The following ZW10 variants were observed in gnomAD, a reference collection of about 807,000 sequenced individuals.
ZW10 encodes zw10 kinetochore protein, also known as centromere/kinetochore protein zw10 homolog.
ZW10 carries 53 observed loss-of-function variants against 87.8 expected under a neutral mutation model. The ratio of observed to expected loss-of-function variants is 0.60; its 90% CI spans 0.48 to 0.76. The LOEUF is 0.76. Among genes scored for constraint, ZW10 ranks in the 30% least tolerant of loss-of-function variants. ZW10 has a pLI of 0.00. For synonymous variants in ZW10, 312 were observed against 329.2 expected, an observed-to-expected ratio of 0.95 and a Z score of 0.57; for missense variants, 837 against 923.0, an observed-to-expected ratio of 0.91 and a Z score of 1.21.
At chr11:113,773,373 T>C (rs1010643538) in intron 1 of ZW10, among the ~76,000 whole-genome samples, 189 bp downstream of exon 1, 2 of 149,964 alleles carry the variant, frequency 1.3e-5, no homozygotes, top group Non-Finnish European at 3.0e-5. Context: ...CCCTCCAAGA[T>C]CCCTCCTCAA....
chr11:113,771,536 G>A (rs1180523845), intron 1 of ZW10: 4 of 152,212 alleles, frequency 2.6e-5, no homozygotes, highest in African/African-American at 7.2e-5. Context: ...ACGTGTAATT[G>A]TGTGTATGTA....
chr11:113,770,684 G>A (rs112022418), intron 1 of ZW10: 10,726 of 151,274 alleles, frequency 0.071, 489 homozygotes, highest in Middle Eastern at 0.17. Flanking sequence ...CGGTCGCGGT[G>A]GTGGGCGCCT....
At chr11:113,737,432 A>T in intron 14 of ZW10, 140 bp downstream of exon 14, 1 of 926,066 alleles carries the variant, frequency 1.1e-6, no homozygotes, top group Non-Finnish European at 1.6e-6. Flanking sequence ...AACAGATATA[A>T]AACAAAACTG....
intron 7 of ZW10, among the ~76,000 whole-genome samples, chr11:113,750,478 A>G (rs1271639322): frequency 1.3e-5 from 2 of 151,944 alleles, no homozygotes; most frequent in East Asian, 1.9e-4. Flanking sequence ...TAATTTTTGT[A>G]TATTTAGTAG....
intron 13 of ZW10, among the ~76,000 whole-genome samples, chr11:113,737,989 A>G (rs1211291515): frequency 6.6e-6 from 1 of 152,176 alleles, no homozygotes. Flanking sequence ...CCCAAATCTA[A>G]GTTCAGGAAT....
intron 15 of ZW10, 24 bp from the exon 16 acceptor site, chr11:113,733,838 C>G (rs368204880): frequency 6.3e-6 from 10 of 1,580,716 alleles, no homozygotes; most frequent in Non-Finnish European, 6.9e-6. Context: ...GATAGAGTTC[C>G]ATTTCCTATT....
rs777438776 is a variant in ZW10, at chr11:113,773,677, G to A, written c.-11C>T. 306 of 1,612,256 alleles carry A rather than the reference G, an allele frequency of 1.9e-4. 1 individual carries two copies. The highest frequency in any genetic ancestry group is 2.4e-4 in the Non-Finnish European group (278 of 1,178,942). On this transcript the variant is annotated 5_prime_UTR_variant, in exon 1 of 16. Transcript: ENST00000200135. The stretch of plus-strand genomic sequence containing the variant: ...CACGAACGAGGCCATGGCCAAGACG[G>A]GAACCAACGCTGACTGGGTCACTCT...
At chr11:113,756,101 G>A (rs1044723022) in intron 7 of ZW10, among the ~76,000 whole-genome samples, 1 of 152,130 alleles carries the variant, frequency 6.6e-6, no homozygotes, top group Non-Finnish European at 1.5e-5. Flanking sequence ...TCCCTTTAAG[G>A]AGGTAATTAA....
chr11:113,740,222 A>G (rs1182069250), intron 11 of ZW10, among the ~76,000 whole-genome samples: 2 of 152,182 alleles, frequency 1.3e-5, no homozygotes, highest in South Asian at 2.1e-4. Context: ...GCCTTACATC[A>G]GACATAAATC....
chr11:113,751,157 G>A, intron 7 of ZW10: 2 of 228,354 alleles, frequency 8.8e-6, no homozygotes, highest in East Asian at 1.0e-4. Context: ...GCATACTGAC[G>A]GAGACACTGG....
intron 2 of ZW10, among the ~76,000 whole-genome samples, chr11:113,766,050 C>T (rs952672493): frequency 6.6e-6 from 1 of 152,186 alleles, no homozygotes; most frequent in Non-Finnish European, 1.5e-5. Flanking sequence ...CTTCATCTCT[C>T]ACCAAGGAGA....
chr11:113,738,759 T>C (rs892415036), intron 12 of ZW10, among the ~76,000 whole-genome samples: 1 of 152,216 alleles, frequency 6.6e-6, no homozygotes, highest in Non-Finnish European at 1.5e-5. Flanking sequence ...GATCAACATA[T>C]TGATTTACTC....
At chr11:113,742,704 A>C (rs1953634273) in intron 10 of ZW10, among the ~76,000 whole-genome samples, 1 of 152,198 alleles carries the variant, frequency 6.6e-6, no homozygotes, top group Non-Finnish European at 1.5e-5. Context: ...ATTTCAGGAG[A>C]GTGCCATGTG....
At chr11:113,762,177 A>AT (rs1309319162) in intron 2 of ZW10, among the ~76,000 whole-genome samples, 2 of 152,162 alleles carry the variant, frequency 1.3e-5, no homozygotes, top group African/African-American at 4.8e-5. Flanking sequence ...ATATAAAACT[A>AT]TTGCTCTTAG....
intron 2 of ZW10, among the ~76,000 whole-genome samples, chr11:113,768,306 G>A (rs2134899235): frequency 6.6e-6 from 1 of 152,236 alleles, no homozygotes; most frequent in African/African-American, 2.4e-5. Context: ...AGTGTTCAGG[G>A]CTAAACCTTC....
At position 113,739,282 on chromosome 11, in the gene ZW10, G is replaced by C; in HGVS notation, c.1684C>G (p.Arg562Gly). 4.3e-6 allele frequency: 7 copies of C among 1,613,952 alleles called. No homozygotes were observed. The highest frequency in any genetic ancestry group is 5.9e-6 in the Non-Finnish European group (7 of 1,179,928). Residue 562 changes from arginine to glycine, a missense_variant, in exon 12 of 16, where the codon CGT becomes GGT. Physicochemically the swap from Arg to Gly is moderately radical, Grantham distance 125. Coordinates refer to ENST00000200135, the MANE Select transcript of ZW10 (RefSeq NM_004724.4). The stretch of plus-strand genomic sequence containing the variant: ...CCATCACAAAGAATGGGGGCAAGAC[G>C]CAATCTGAACTGATGCCCGAGGGTC... ...LLTLGHQFRL[R>G]LAPILCDGTA...
At chr11:113,767,455 T>C (rs17613838) in intron 2 of ZW10, among the ~76,000 whole-genome samples, 24,064 of 152,014 alleles carry the variant, frequency 0.16, 2,017 homozygotes, top group Non-Finnish European at 0.18. Flanking sequence ...ATCAACAAGT[T>C]CCAAATATCC....
chr11:113,742,883 C>G (rs768251182), intron 10 of ZW10, among the ~76,000 whole-genome samples: 1 of 152,132 alleles, frequency 6.6e-6, no homozygotes, highest in Non-Finnish European at 1.5e-5. Context: ...GGTTATCTCA[C>G]GATAAAAATT....
At chr11:113,757,495 T>C (rs1168338157) in intron 7 of ZW10, among the ~76,000 whole-genome samples, 167 bp downstream of exon 7, 2 of 152,188 alleles carry the variant, frequency 1.3e-5, no homozygotes, top group African/African-American at 2.4e-5. Flanking sequence ...GAATGCAAAA[T>C]AGGCAAAAAA....
Sources: gnomAD v4.1 joint callset for allele counts (sites outside exome capture counted in the v4.1 genomes callset) on GRCh38, gnomAD v4.1.1 for gene constraint, MANE v1.5 for transcripts, NCBI Gene and HGNC (gene_info 2026-07-23, HGNC 2026-07-21) for gene names.